CFAP61: variants seen among roughly 807,000 people sequenced by gnomAD.
The protein encoded by CFAP61 is cilia and flagella associated protein 61.
In CFAP61, 107 loss-of-function variants were observed where a neutral mutation model predicts 135.6. That is an observed-to-expected ratio of 0.79 (90% CI 0.67 to 0.93). CFAP61 has a LOEUF of 0.93. Ranked by LOEUF, CFAP61 falls within the 40% of genes least tolerant of loss-of-function variation. CFAP61 has a pLI of 0.00. For synonymous variants in CFAP61, 575 were observed against 578.5 expected, an observed-to-expected ratio of 0.99 and a Z score of 0.09; for missense variants, 1,507 against 1,556.2, an observed-to-expected ratio of 0.97 and a Z score of 0.53.
intron 10 of CFAP61, among the ~76,000 whole-genome samples, chr20:20,160,770 G>A (rs1457704715): frequency 1.3e-5 from 2 of 152,232 alleles, no homozygotes; most frequent in African/African-American, 4.8e-5. Context: ...ACTCTGTGAA[G>A]ACAAGGACTG....
intron 18 of CFAP61, among the ~76,000 whole-genome samples, chr20:20,242,874 G>C (rs2050116818): frequency 6.6e-6 from 1 of 152,222 alleles, no homozygotes; most frequent in East Asian, 1.9e-4. Flanking sequence ...ATGACCTTTG[G>C]ATCCCTCTGA....
chr20:20,240,909 G>C (rs545022561), intron 18 of CFAP61, among the ~76,000 whole-genome samples: 22 of 152,268 alleles, frequency 1.4e-4, no homozygotes, highest in African/African-American at 5.3e-4. Context: ...GATGGCTGGA[G>C]CTCCAGGAGC....
At chr20:20,056,946 C>T (rs2044393031) in intron 2 of CFAP61, 150 bp downstream of exon 2, 1 of 665,050 alleles carries the variant, frequency 1.5e-6, no homozygotes, top group Non-Finnish European at 2.6e-6. Context: ...GGCAAAACCT[C>T]ATCTCTACTA....
rs1454108921 is a variant in CFAP61 at position 20,298,181 on chromosome 20, G to A, written c.3217G>A (p.Gly1073Ser). ...TTTCTTGTCCACATCCCTCCTCCAG[G>A]GTTTAGAACTAGTAACCGGCAGTGC... ...LEVQMAQPNY[G>S]LELVTGSAKN... is the part of the protein sequence containing the mutation. The change falls in exon 25 of 27, where the codon GGT becomes AGT. Residue 1073 changes from glycine to serine, a missense_variant and splice_region_variant. By Grantham distance (56) the Gly-to-Ser change is moderately conservative. Transcript: ENST00000245957. 6.2e-7 allele frequency: 1 copy of A among 1,610,372 alleles called. No homozygotes were observed. The highest frequency in any genetic ancestry group is 1.7e-5 in the Admixed American group (1 of 59,988).
intron 9 of CFAP61, among the ~76,000 whole-genome samples, chr20:20,155,558 A>C (rs146756141): frequency 1.1e-3 from 173 of 152,328 alleles, no homozygotes; most frequent in African/African-American, 4.0e-3. Context: ...CAAAGAACTC[A>C]AATGAATCAG....
intron 13 of CFAP61, among the ~76,000 whole-genome samples, chr20:20,173,682 A>G (rs764735574): frequency 3.3e-5 from 5 of 152,238 alleles, no homozygotes; most frequent in Non-Finnish European, 5.9e-5. Context: ...AATTTTTTCT[A>G]CACTGAGATT....
chr20:20,266,872 G>C (rs1178293901), intron 21 of CFAP61, among the ~76,000 whole-genome samples: 1 of 152,176 alleles, frequency 6.6e-6, no homozygotes, highest in Admixed American at 6.5e-5. Flanking sequence ...AGGGTGAAAA[G>C]AGATAAATGA....
At chr20:20,116,883 G>A (rs1248953353) in intron 8 of CFAP61, among the ~76,000 whole-genome samples, 4 of 151,858 alleles carry the variant, frequency 2.6e-5, no homozygotes, top group African/African-American at 4.8e-5. Context: ...TTATACTCCT[G>A]GGCTGAAGTG....
At chr20:20,091,011 G>A in intron 7 of CFAP61, 35 bp downstream of exon 7, 1 of 1,610,532 alleles carries the variant, frequency 6.2e-7, no homozygotes, top group African/African-American at 1.3e-5. Flanking sequence ...CACACTTAGT[G>A]AGAGGAAGGA....
At chr20:20,175,413 T>TA (rs2054534886) in intron 13 of CFAP61, among the ~76,000 whole-genome samples, 1 of 152,216 alleles carries the variant, frequency 6.6e-6, no homozygotes, top group Non-Finnish European at 1.5e-5. Context: ...TCTGTGTTGC[T>TA]AACAAGTGCA....
At chr20:20,119,977 G>A (rs2049484903) in intron 8 of CFAP61, among the ~76,000 whole-genome samples, 1 of 152,158 alleles carries the variant, frequency 6.6e-6, no homozygotes, top group African/African-American at 2.4e-5. Context: ...GTATTCCATG[G>A]TGTATATGTA....
intron 3 of CFAP61, among the ~76,000 whole-genome samples, chr20:20,072,308 G>C (rs1196142010): frequency 6.6e-6 from 1 of 151,348 alleles, no homozygotes; most frequent in Non-Finnish European, 1.5e-5. Flanking sequence ...GTAGAGACAG[G>C]GTTTCACTAT....
At chr20:20,218,536 T>C (rs1405877133) in intron 17 of CFAP61, among the ~76,000 whole-genome samples, 1 of 152,224 alleles carries the variant, frequency 6.6e-6, no homozygotes, top group African/African-American at 2.4e-5. Flanking sequence ...CAGCCTAAAC[T>C]ACTGACCTAC....
intron 2 of CFAP61, among the ~76,000 whole-genome samples, chr20:20,062,888 A>G (rs1028238338): frequency 2.0e-5 from 3 of 152,224 alleles, no homozygotes; most frequent in Admixed American, 6.5e-5. Flanking sequence ...TATTTTATAT[A>G]TGGGATCAAG....
At chr20:20,178,870 TTTTC>T (rs1203948392) in intron 13 of CFAP61, among the ~76,000 whole-genome samples, 3 of 152,286 alleles carry the variant, frequency 2.0e-5, no homozygotes, top group African/African-American at 4.8e-5. Context: ...GTGGGTTTTA[TTTTC>T]TTTCTTTATT....
rs899602415 is a variant in CFAP61, at chr20:20,196,491, T to G, written c.1591-79T>G. On this transcript the variant is annotated intron_variant, in intron 15 of 26. Transcript: ENST00000245957. ...TCTTACTATCATACCTAAAGTAATTTTTAAAAGATATTTATCACAAAATGC... is the reference window on the plus strand; with the variant it reads ...TCTTACTATCATACCTAAAGTAATTGTTAAAAGATATTTATCACAAAATGC... 7 of 1,114,738 alleles carry G rather than the reference T, an allele frequency of 6.3e-6. No homozygotes were observed. In the African/African-American group the frequency reaches 9.4e-5, roughly 15 times the overall value. The allele number at this position is 1,114,738 out of a possible 1,614,324, so 69.1% of individuals were successfully genotyped here. A position where few individuals can be genotyped will look rare whatever the true frequency, so the allele number is the denominator to read the frequency against.
rs1293967064 is a variant in CFAP61 at position 20,315,832 on chromosome 20, AAGATC to A, written c.3422+17451_3422+17455del. Among the ~76,000 whole-genome samples, 5 of 152,298 alleles carry A rather than the reference AAGATC, an allele frequency of 3.3e-5. No individual in the cohort carries two copies. In the East Asian group the frequency reaches 9.6e-4, roughly 29 times the overall value. On this transcript the variant is annotated intron_variant, in intron 25 of 26. Coordinates refer to ENST00000245957, the MANE Select transcript of CFAP61 (RefSeq NM_015585.4). ...TTGCTTGTTTTTCTCAGGTTTGTGAAAGATCAGATAGTTGTAGATACATGGCGTTA... is the reference window on the plus strand; with the variant it reads ...TTGCTTGTTTTTCTCAGGTTTGTGAAAGATAGTTGTAGATACATGGCGTTA...
chr20:20,151,777 C>T lies in CFAP61; in HGVS notation c.952-7593C>T, dbSNP rs189455244. ...CCCAGGAGGTGGAGCCTGCAGTGAGCTGAGATGGCGCCACTGCACTCCTGT... is the reference window on the plus strand; with the variant it reads ...CCCAGGAGGTGGAGCCTGCAGTGAGTTGAGATGGCGCCACTGCACTCCTGT... On this transcript the variant is annotated intron_variant, in intron 9 of 26. Transcript: ENST00000245957. Among the ~76,000 whole-genome samples the T allele has an allele frequency of 2.4e-3, 304 of 127,476 alleles. 2 individuals are homozygous for T. Among genetic ancestry groups the T allele is most frequent in the African/African-American group, 8.7e-3 (287 of 32,982 alleles). 83.6% of individuals were successfully genotyped at this position (127,476 alleles called of 152,430 possible). A position where few individuals can be genotyped will look rare whatever the true frequency, so the allele number is the denominator to read the frequency against.
At chr20:20,358,773 C>G (rs192720809) in intron 26 of CFAP61, among the ~76,000 whole-genome samples, 282 of 152,310 alleles carry the variant, frequency 1.9e-3, no homozygotes, top group Middle Eastern at 3.4e-3. Context: ...CTCCATATAG[C>G]TTGAGTCTGT....
Sources: gnomAD v4.1 joint callset for allele counts (sites outside exome capture counted in the v4.1 genomes callset) on GRCh38, gnomAD v4.1.1 for gene constraint, MANE v1.5 for transcripts, NCBI Gene and HGNC (gene_info 2026-07-23, HGNC 2026-07-21) for gene names.